The following TAF15 variants were observed in gnomAD, a reference collection of about 807,000 sequenced individuals.
TAF15 encodes TATA-box binding protein associated factor 15.
TAF15 carries 37 observed loss-of-function variants against 102.5 expected under a neutral mutation model. The observed-to-expected ratio is 0.36, with a 90% CI of 0.28 to 0.47. TAF15 has a LOEUF of 0.47. TAF15 is among the 20% of genes least tolerant of loss of function. The probability of loss-of-function intolerance (pLI) is 0.99; values close to 1 mark genes in which losing one functional copy is unlikely to be tolerated. For synonymous variants in TAF15, 273 were observed against 259.2 expected, an observed-to-expected ratio of 1.05 and a Z score of -0.51; for missense variants, 652 against 760.7, an observed-to-expected ratio of 0.86 and a Z score of 1.68.
chr17:35,824,422 A>G (rs966269852), intron 7 of TAF15: 1 of 560,584 alleles, frequency 1.8e-6, no homozygotes, highest in Non-Finnish European at 3.1e-6. Flanking sequence ...TTTATGTGGT[A>G]CATGTTAAAC....
intron 9 of TAF15, 82 bp from the exon 10 acceptor site, chr17:35,836,050 A>C (rs2087470465): frequency 1.0e-6 from 1 of 976,310 alleles, no homozygotes; most frequent in East Asian, 2.5e-5. Flanking sequence ...AATATTGGAC[A>C]ATAAATTATT....
chr17:35,844,649 AAGT>A lies in TAF15; in HGVS notation c.1351_1353del (p.Ser451del), dbSNP rs1330864353. On this transcript the variant is annotated inframe_deletion, in exon 15 of 16. Transcript: ENST00000605844. ...GTGGGGGCGGCTATGGTGGAGACAG[AAGT>A]GGGGGTGGCTATGGTGGGGACAGAG... is the stretch of plus-strand genomic sequence containing the variant. 8.2e-6 allele frequency: 13 copies of A among 1,592,678 alleles called. No homozygotes were observed. Among genetic ancestry groups the A allele is most frequent in the Admixed American group, 1.8e-5 (1 of 56,614 alleles).
At chr17:35,838,338 A>T in intron 10 of TAF15, 86 bp from the exon 11 acceptor site, 2 of 1,542,374 alleles carry the variant, frequency 1.3e-6, no homozygotes, top group South Asian at 1.1e-5. Context: ...AATTCCTTGT[A>T]AAAAAAATAA....
At chr17:35,832,311 C>T (rs1297107697) in intron 7 of TAF15, among the ~76,000 whole-genome samples, 1 of 152,118 alleles carries the variant, frequency 6.6e-6, no homozygotes, top group East Asian at 1.9e-4. Flanking sequence ...TCTATATTGC[C>T]TTGAAATAGC....
chr17:35,817,293 G>A (rs78127301), intron 1 of TAF15: 3,606 of 172,784 alleles, frequency 0.021, 75 homozygotes, highest in East Asian at 0.11. Context: ...GTCCAATACA[G>A]AGGAATGGTG....
intron 1 of TAF15, 47 bp from the exon 2 acceptor site, chr17:35,817,669 G>T: frequency 6.4e-7 from 1 of 1,562,340 alleles, no homozygotes; most frequent in African/African-American, 1.4e-5. Flanking sequence ...GCCTTTGAAG[G>T]AACCATAATT....
chr17:35,816,320 G>C (rs977285681), intron 1 of TAF15, among the ~76,000 whole-genome samples: 1 of 152,164 alleles, frequency 6.6e-6, no homozygotes, highest in Non-Finnish European at 1.5e-5. Flanking sequence ...AAAAGAGAAA[G>C]TTACTGAGCC....
intron 1 of TAF15, chr17:35,810,830 T>A (rs1209639198): frequency 6.6e-6 from 1 of 152,232 alleles, no homozygotes; most frequent in East Asian, 1.9e-4. Context: ...ATTACTTAGA[T>A]TAATGTTGAT....
At chr17:35,821,381 A>G (rs990479557) in intron 5 of TAF15, among the ~76,000 whole-genome samples, 3 of 152,190 alleles carry the variant, frequency 2.0e-5, no homozygotes, top group Non-Finnish European at 4.4e-5. Context: ...CGTTTTATAA[A>G]TGATGTATTT....
chr17:35,837,507 CCAAATCCCAGT>C (rs2087490390), intron 10 of TAF15, among the ~76,000 whole-genome samples: 1 of 151,864 alleles, frequency 6.6e-6, no homozygotes, highest in African/African-American at 2.4e-5. Context: ...CTTATCCCAG[CCAAATCCCAGT>C]GTAACGTTTT....
chr17:35,835,119 G>T (rs1342849568), intron 9 of TAF15, among the ~76,000 whole-genome samples: 2 of 152,118 alleles, frequency 1.3e-5, no homozygotes. Flanking sequence ...GAAAATTGCT[G>T]TTTGTGCTTT....
At chr17:35,838,597 G>T (rs181561317) in intron 11 of TAF15, 44 bp downstream of exon 11, 9 of 1,613,670 alleles carry the variant, frequency 5.6e-6, no homozygotes, top group Middle Eastern at 1.7e-4. Context: ...TTGGATAAAT[G>T]TTTTCTAGTC....
At chr17:35,820,892 A>G (rs1039360660) in intron 5 of TAF15, among the ~76,000 whole-genome samples, 2 of 152,152 alleles carry the variant, frequency 1.3e-5, no homozygotes, top group Non-Finnish European at 2.9e-5. Flanking sequence ...GTAGGTGAAT[A>G]TTTACTGATA....
At chr17:35,823,980 T>C in intron 6 of TAF15, 98 bp from the exon 7 acceptor site, 2 of 1,485,244 alleles carry the variant, frequency 1.3e-6, no homozygotes, top group East Asian at 2.3e-5. Context: ...TGCCATTTTC[T>C]ATAAGGATAT....
In TAF15 at chr17:35,844,363, G is replaced by A. The variant is rs375783267; in HGVS notation, c.1172G>A (p.Gly391Glu). The change falls in exon 14 of 16, where the codon GGA becomes GAA. Residue 391 changes from glycine (G) to glutamate (E), a missense_variant. This residue lies in a region of TAF15 where 368 missense variants were observed against 367.5 expected (regional missense o/e 1.00). Transcript: ENST00000605844. ...EPRPEDSRPSGGDFRGRGYGG... is the reference protein window; with the variant it reads ...EPRPEDSRPSEGDFRGRGYGG... Reference sequence around the variant, plus strand: ...AGACCAGAGGACTCTCGTCCCTCAGGAGGAGGTGGGTCAGCCTTTTAATAG... The same window carrying A: ...AGACCAGAGGACTCTCGTCCCTCAGAAGGAGGTGGGTCAGCCTTTTAATAG... The A allele has an allele frequency of 8.2e-5, 133 of 1,614,074 alleles. No individual in the cohort carries two copies. The highest frequency in any genetic ancestry group is 1.1e-4 in the Non-Finnish European group (129 of 1,180,046).
chr17:35,844,158 C>G lies in TAF15; in HGVS notation c.1088C>G (p.Pro363Arg). Reference sequence around the variant, plus strand: ...AGTGGGGATTGGGTTTGCCCTAATCCGTAAGTGTCTTGTTTACTTTGGTGA... The same window carrying G: ...AGTGGGGATTGGGTTTGCCCTAATCGGTAAGTGTCTTGTTTACTTTGGTGA... ...PKSGDWVCPNPSCGNMNFARR... is the reference protein window; with the variant it reads ...PKSGDWVCPNRSCGNMNFARR... The change falls in exon 13 of 16, where the codon CCG becomes CGG. Residue 363 changes from proline to arginine, a missense_variant and splice_region_variant. Transcript: ENST00000605844. 6.2e-7 allele frequency: 1 copy of G among 1,613,798 alleles called. No individual in the cohort carries two copies. Among genetic ancestry groups the G allele is most frequent in the Non-Finnish European group, 8.5e-7 (1 of 1,179,932 alleles).
chr17:35,843,295 GT>G (rs1304583417), intron 12 of TAF15, among the ~76,000 whole-genome samples: 6 of 151,728 alleles, frequency 4.0e-5, no homozygotes, highest in African/African-American at 1.5e-4. Context: ...AGTTAATTTT[GT>G]ATTTTTAGTA....
chr17:35,841,649 T>C (rs1377735326), intron 11 of TAF15, among the ~76,000 whole-genome samples: 1 of 151,778 alleles, frequency 6.6e-6, no homozygotes, highest in Non-Finnish European at 1.5e-5. Flanking sequence ...AAGCTTTCCT[T>C]GGCCTCCCAC....
At chr17:35,825,780 C>G (rs964904966) in intron 7 of TAF15, among the ~76,000 whole-genome samples, 1 of 152,018 alleles carries the variant, frequency 6.6e-6, no homozygotes, top group Non-Finnish European at 1.5e-5. Context: ...AACCCCGTCT[C>G]TACTAAAAAT....
Sources: gnomAD v4.1 joint callset for allele counts (sites outside exome capture counted in the v4.1 genomes callset) on GRCh38, gnomAD v4.1.1 for gene constraint, gnomAD v4.1.1 regional missense constraint, MANE v1.5 for transcripts, NCBI Gene and HGNC (gene_info 2026-07-23, HGNC 2026-07-21) for gene names.